The following PABIR3 variants were observed in gnomAD, a reference collection of about 807,000 sequenced individuals.
PABIR3 encodes the protein PABIR family member 1.
A neutral mutation model predicts 23.1 loss-of-function variants in PABIR3; 20 were observed. That is an observed-to-expected ratio of 0.86 (90% confidence interval 0.61 to 1.26). PABIR3 has a LOEUF of 1.26. Among genes scored for constraint, PABIR3 ranks in the 50% most tolerant of loss-of-function variants. PABIR3 has a pLI of 0.00. For missense variants in PABIR3, 189 were observed against 195.4 expected, an observed-to-expected ratio of 0.97 and a Z score of 0.20; for synonymous variants, 69 against 68.5, an observed-to-expected ratio of 1.01 and a Z score of -0.04.
chrX:134,832,754 A>G (rs1051003729), intron 4 of PABIR3, among the ~76,000 whole-genome samples: 6 of 111,097 alleles, frequency 5.4e-5, no homozygotes, highest in Admixed American at 3.9e-4. Context: ...TATATGTATC[A>G]CATTTTCTTT....
chrX:134,850,007 G>A (rs1388428991), intron 9 of PABIR3, among the ~76,000 whole-genome samples: 1 of 106,157 alleles, frequency 9.4e-6, no homozygotes, highest in African/African-American at 3.4e-5. Context: ...CCAGTAGCTG[G>A]GATTACAGGT....
chrX:134,799,867 C>T (rs1373518036), intron 1 of PABIR3: 1 of 110,968 alleles, frequency 9.0e-6, no homozygotes, highest in African/African-American at 3.3e-5. Context: ...ACTCCGGAGG[C>T]TGAGGCAGGA....
At chrX:134,843,209 A>G (rs897298680) in intron 4 of PABIR3, among the ~76,000 whole-genome samples, 5 of 111,207 alleles carry the variant, frequency 4.5e-5, no homozygotes, top group Admixed American at 1.9e-4. Flanking sequence ...AGAAAAAAAA[A>G]AAAGTTTTTT....
intron 2 of PABIR3, among the ~76,000 whole-genome samples, chrX:134,811,927 ACT>A (rs1452469997): frequency 8.9e-6 from 1 of 112,194 alleles, no homozygotes; most frequent in Admixed American, 9.5e-5. Flanking sequence ...TAAAATATTT[ACT>A]CTCTGGCCCT....
chrX:134,811,598 G>T (rs765826056), intron 2 of PABIR3, among the ~76,000 whole-genome samples: 118 of 110,660 alleles, frequency 1.1e-3, no homozygotes, highest in African/African-American at 3.8e-3. Flanking sequence ...TGTTGGCCAG[G>T]CTAATTTTTG....
chrX:134,817,089 G>A lies in PABIR3; in HGVS notation c.189+2240G>A, dbSNP rs189129161. Among the ~76,000 whole-genome samples the A allele has an allele frequency of 4.3e-3, 481 of 111,421 alleles. 8 individuals carry two copies. Among genetic ancestry groups the A allele is most frequent in the African/African-American group, 0.015 (454 of 30,662 alleles). On this transcript the variant is annotated intron_variant, in intron 3 of 10. Transcript: ENST00000645433. ...CTGGGGAGGCTGAGGCAGGAGAATC[G>A]CTTCAACCCGGGAGTTGGAGGTTGT...
intron 9 of PABIR3, among the ~76,000 whole-genome samples, chrX:134,849,832 C>T (rs1418717354): frequency 9.9e-6 from 1 of 100,560 alleles, no homozygotes; most frequent in African/African-American, 3.6e-5. Flanking sequence ...CTGGATCCCA[C>T]TTCTCAATGG....
intron 3 of PABIR3, chrX:134,822,198 T>G: frequency 1.3e-6 from 1 of 752,874 alleles, no homozygotes; most frequent in Non-Finnish European, 1.6e-6. Context: ...AGTGGGAAAT[T>G]TACACAAAAG....
chrX:134,852,800 G>A lies in PABIR3; in HGVS notation c.590G>A (p.Gly197Asp), dbSNP rs1487070777. The change falls in exon 10 of 11, where the codon GGT becomes GAT. Residue 197 changes from glycine (G) to aspartate (D), a missense_variant and splice_region_variant. Coordinates refer to ENST00000645433, the MANE Select transcript of PABIR3 (RefSeq NM_001388447.1). ...ACCTTGATCTGCTGTATTGTCATAG[G>A]TGAAATGGCATTTCAATATCAACCA... Reference protein sequence around the residue: ...PSILGPLKRKGEMAFQYQPKK... With the variant: ...PSILGPLKRKDEMAFQYQPKK... 9.0e-7 allele frequency: 1 copy of A among 1,111,891 alleles called. No homozygotes were observed. Among genetic ancestry groups the A allele is most frequent in the South Asian group, 2.1e-5 (1 of 46,877 alleles). 91.6% of individuals were successfully genotyped at this position (1,111,891 alleles called of 1,213,427 possible).
rs887564262 is a variant in PABIR3, at chrX:134,854,481, C to T, written c.*264C>T. On this transcript the variant is annotated 3_prime_UTR_variant, in exon 11 of 11. Transcript: ENST00000645433. ...ATCAGAACCATGTTGAAGATACAAG[C>T]GTAAATTGTTAGGCTGCTATTTTCT... 1 of 246,526 alleles carries T rather than the reference C, an allele frequency of 4.1e-6. No homozygotes were observed. Among genetic ancestry groups the T allele is most frequent in the Non-Finnish European group, 7.1e-6 (1 of 140,279 alleles). The allele number at this position is 246,526 out of a possible 1,213,427, so 20.3% of individuals were successfully genotyped here. A position where few individuals can be genotyped will look rare whatever the true frequency, so the allele number is the denominator to read the frequency against.
intron 9 of PABIR3, among the ~76,000 whole-genome samples, chrX:134,851,135 A>G (rs1312389864): frequency 9.0e-6 from 1 of 110,514 alleles, no homozygotes; most frequent in African/African-American, 3.3e-5. Context: ...GGGCGGGGGG[A>G]ACTAAAAAGA....
In PABIR3 at chrX:134,810,800, A is replaced by G. The variant is rs2080612030; in HGVS notation, c.110+3092A>G. 9.3e-6 allele frequency: 7 copies of G among 750,900 alleles called. No homozygotes were observed. The South Asian group carries it at 2.7e-4, about 29-fold the overall frequency. 61.9% of individuals were successfully genotyped at this position (750,900 alleles called of 1,213,427 possible). On this transcript the variant is annotated intron_variant, in intron 2 of 10. Coordinates refer to ENST00000645433, the MANE Select transcript of PABIR3 (RefSeq NM_001388447.1). ...TTTCAGAAAGGTGAAAGTCACTAGC[A>G]TATTTCTTTAGTAGGAATTAAAGAT... is the stretch of plus-strand genomic sequence containing the variant.
chrX:134,831,289 G>A (rs995989749), intron 4 of PABIR3, among the ~76,000 whole-genome samples: 1 of 110,595 alleles, frequency 9.0e-6, no homozygotes, highest in Non-Finnish European at 1.9e-5. Context: ...GGCTGGTTTC[G>A]AACTCCTGAC....
chrX:134,796,427 G>A (rs1307511987), upstream of PABIR3: 1 of 386,070 alleles, frequency 2.6e-6, no homozygotes, highest in Non-Finnish European at 4.5e-6. Flanking sequence ...TGATGGTGAG[G>A]CAGGAGAGGA....
chrX:134,810,588 G>GCT, intron 2 of PABIR3: 1 of 753,641 alleles, frequency 1.3e-6, no homozygotes, highest in Non-Finnish European at 1.6e-6. Flanking sequence ...CATAGTCAGA[G>GCT]AAGTTATTCT....
chrX:134,856,524 T>TAA (rs2082751187), downstream of PABIR3, among the ~76,000 whole-genome samples: 1 of 111,025 alleles, frequency 9.0e-6, no homozygotes, highest in Admixed American at 9.7e-5. Flanking sequence ...TTGATTTAGC[T>TAA]GTACACTAGG....
chrX:134,840,695 C>T (rs768766102), intron 4 of PABIR3, among the ~76,000 whole-genome samples: 1 of 111,085 alleles, frequency 9.0e-6, no homozygotes, highest in South Asian at 3.8e-4. Flanking sequence ...TGATTCTGCC[C>T]AAATTCTTTA....
chrX:134,797,160 C>A (rs991673776), intron 1 of PABIR3: 1 of 114,133 alleles, frequency 8.8e-6, no homozygotes, highest in South Asian at 3.5e-4. Flanking sequence ...GAAGCGGGAA[C>A]CTCCGCTGGG....
intron 4 of PABIR3, chrX:134,831,535 A>G: frequency 9.0e-6 from 1 of 111,701 alleles, no homozygotes; most frequent in East Asian, 2.8e-4. Flanking sequence ...TGGGGGGAAT[A>G]ATATTGGCTA....
Sources: allele counts gnomAD v4.1 joint callset (sites outside exome capture counted in the v4.1 genomes callset), GRCh38; gene constraint gnomAD v4.1.1; transcripts MANE v1.5; gene names NCBI Gene and HGNC (gene_info 2026-07-23, HGNC 2026-07-21).